The following UQCRB variants were observed in gnomAD, a reference collection of about 807,000 sequenced individuals.
The protein encoded by UQCRB is cytochrome b-c1 complex subunit 7.
Under a neutral mutation model 19.8 loss-of-function variants are expected in UQCRB, and 12 were observed. The observed-to-expected ratio is 0.61, with a 90% CI of 0.39 to 0.98. The LOEUF is 0.98. Among genes scored for constraint, UQCRB ranks in the 50% least tolerant of loss-of-function variants. UQCRB has a pLI of 0.00. For missense variants in UQCRB, 142 were observed against 131.8 expected, an observed-to-expected ratio of 1.08 and a Z score of -0.38; for synonymous variants, 39 against 42.9, an observed-to-expected ratio of 0.91 and a Z score of 0.35.
At position 96,231,885 on chromosome 8, in the gene UQCRB, T is replaced by C. The variant is rs762638352; in HGVS notation, c.147A>G (p.Arg49=). Residue 49 remains arginine, a synonymous_variant, in exon 3 of 4, where the codon AGA becomes AGG. Transcript: ENST00000287022. ...YEDEDVKEAI[R]RLPENLYNDR... is the part of the protein sequence containing the mutation. The stretch of plus-strand genomic sequence containing the variant: ...CATTATAAAGGTTCTCAGGAAGTCT[T>C]CTTATGGCTTCTTTTACATCTTCAT... 1 of 1,614,046 alleles carries C rather than the reference T, an allele frequency of 6.2e-7. No homozygotes were observed. Among genetic ancestry groups the C allele is most frequent in the East Asian group, 2.2e-5 (1 of 44,866 alleles).
In UQCRB at chr8:96,223,732, G is replaced by A. The variant is rs1262768590; in HGVS notation, c.*7323C>T. ...GGTTAGAGGTAGAATTTTGCAGAAT[G>A]TGTTTGGGGAAGAGGGAGTTAAAAC... On this transcript the variant is annotated 3_prime_UTR_variant, in exon 4 of 4. Coordinates refer to ENST00000287022, the MANE Select transcript of UQCRB (RefSeq NM_006294.5). 6.6e-6 allele frequency among the ~76,000 whole-genome samples: 1 copy of A among 152,222 alleles called. No individual in the cohort carries two copies. Among genetic ancestry groups the A allele is most frequent in the East Asian group, 1.9e-4 (1 of 5,196 alleles).
chr8:96,234,350 T>C (rs1435209946), intron 1 of UQCRB: 1 of 421,746 alleles, frequency 2.4e-6, no homozygotes, highest in Non-Finnish European at 4.4e-6. Flanking sequence ...CACCAAACAC[T>C]TTCCTATTTG....
At position 96,223,846 on chromosome 8, in the gene UQCRB, A is replaced by C. The variant is rs1172749015; in HGVS notation, c.*7209T>G. ...CTTTTTAGCACTGGCATTTACCTGC[A>C]TTAAATTGTGTAGAAGAGTAAGTCT... On this transcript the variant is annotated 3_prime_UTR_variant, in exon 4 of 4. Transcript: ENST00000287022. Among the ~76,000 whole-genome samples, 1 of 152,178 alleles carries C rather than the reference A, an allele frequency of 6.6e-6. No homozygotes were observed. The highest frequency in any genetic ancestry group is 1.5e-5 in the Non-Finnish European group (1 of 68,034).
chr8:96,228,743 T>C lies in UQCRB; in HGVS notation c.*2312A>G, dbSNP rs1409727259. 1 of 453,954 alleles carries C rather than the reference T, an allele frequency of 2.2e-6. No homozygotes were observed. The highest frequency in any genetic ancestry group is 2.0e-5 in the African/African-American group (1 of 49,988). 28.1% of individuals were successfully genotyped at this position (453,954 alleles called of 1,614,324 possible). The stretch of plus-strand genomic sequence containing the variant: ...GAAGCACGGAGAGGTTAAATTGTAT[T>C]CCTAAAGCACTACACAGTGAGCAAA... On this transcript the variant is annotated 3_prime_UTR_variant, in exon 4 of 4. Transcript: ENST00000287022.
In UQCRB at chr8:96,233,215, C is replaced by T. The variant is rs1415774310; in HGVS notation, c.32G>A (p.Gly11Asp). The T allele has an allele frequency of 6.2e-6, 10 of 1,613,520 alleles. No homozygotes were observed. Among genetic ancestry groups the T allele is most frequent in the African/African-American group, 1.3e-5 (1 of 74,872 alleles). Residue 11 changes from glycine to aspartate, a missense_variant, in exon 2 of 4, where the codon GGC (glycine) becomes GAC (aspartate). This residue lies in a region of UQCRB where 132 missense variants were observed against 107.5 expected (regional missense o/e 1.23). Transcript: ENST00000287022. ...TTTTCGAATACCATCCAGCCACTTG[C>T]CTGATGCTGAAACTGATAATTGTCA... MAGKQAVSAS[G>D]KWLDGIRKWY...
rs67926232 is a variant in UQCRB at position 96,232,833 on chromosome 8, CAAATAAAT to C, written c.91+315_91+322del. On this transcript the variant is annotated intron_variant, in intron 2 of 3. Transcript: ENST00000287022. ...CTGGTGACAGAGCAAGACTCTGTCT[CAAATAAAT>C]AAATAAATAAATAAATAAAATTTTA... 1.9e-4 allele frequency: 41 copies of C among 214,482 alleles called. 1 individual carries two copies. The highest frequency in any genetic ancestry group is 2.8e-4 in the East Asian group (2 of 7,036). 13.3% of individuals were successfully genotyped at this position (214,482 alleles called of 1,614,324 possible).
At position 96,227,548 on chromosome 8, in the gene UQCRB, C is replaced by A; in HGVS notation, c.*3507G>T. 2.2e-6 allele frequency: 1 copy of A among 454,148 alleles called. No homozygotes were observed. The highest frequency in any genetic ancestry group is 1.6e-5 in the South Asian group (1 of 64,474). 28.1% of individuals were successfully genotyped at this position (454,148 alleles called of 1,614,324 possible). Reference sequence around the variant, plus strand: ...CCTAAAATCCATGCTTCCTCCCATACACCATAAACCCATCTGCTCTTCATC... The same window carrying A: ...CCTAAAATCCATGCTTCCTCCCATAAACCATAAACCCATCTGCTCTTCATC... On this transcript the variant is annotated 3_prime_UTR_variant, in exon 4 of 4. Coordinates refer to ENST00000287022, the MANE Select transcript of UQCRB (RefSeq NM_006294.5).
chr8:96,231,404 A>G, intron 3 of UQCRB: 1 of 1,537,484 alleles, frequency 6.5e-7, no homozygotes, highest in South Asian at 1.2e-5. Context: ...ATGCAGTTCA[A>G]GGGGTGAGAG....
intron 3 of UQCRB, 39 bp from the exon 4 acceptor site, chr8:96,231,171 A>G: frequency 6.2e-7 from 1 of 1,614,152 alleles, no homozygotes; most frequent in Non-Finnish European, 8.5e-7. Context: ...ACCATCACGT[A>G]CTGATATATC....
At position 96,229,206 on chromosome 8, in the gene UQCRB, A is replaced by C. The variant is rs1266872375; in HGVS notation, c.*1849T>G. The stretch of plus-strand genomic sequence containing the variant: ...TTTGGCTTTAGGAAGAACTCTTACA[A>C]AATCAGAGGTTGCCTTATGTAATAC... On this transcript the variant is annotated 3_prime_UTR_variant, in exon 4 of 4. Transcript: ENST00000287022. 1 of 454,152 alleles carries C rather than the reference A, an allele frequency of 2.2e-6. No homozygotes were observed. The allele number at this position is 454,152 out of a possible 1,614,324, so 28.1% of individuals were successfully genotyped here. A position where few individuals can be genotyped will look rare whatever the true frequency, so the allele number is the denominator to read the frequency against.
Position 96,227,106 on chromosome 8 carries a change from T to A in UQCRB, c.*3949A>T, listed in dbSNP as rs932781010. 2.2e-6 allele frequency: 1 copy of A among 453,076 alleles called. No individual in the cohort carries two copies. The highest frequency in any genetic ancestry group is 2.4e-5 in the Admixed American group (1 of 42,464). 28.1% of individuals were successfully genotyped at this position (453,076 alleles called of 1,614,324 possible). A position where few individuals can be genotyped will look rare whatever the true frequency, so the allele number is the denominator to read the frequency against. On this transcript the variant is annotated 3_prime_UTR_variant, in exon 4 of 4. Coordinates refer to ENST00000287022, the MANE Select transcript of UQCRB (RefSeq NM_006294.5). ...TAACATCTATAGACTTTATTAGGTG[T>A]TCCTTATACAGTCATCTGGTATGTT...
intron 1 of UQCRB, chr8:96,233,468 G>A (rs750549285): frequency 2.1e-6 from 1 of 472,504 alleles, no homozygotes; most frequent in Non-Finnish European, 3.8e-6. Context: ...AGCAAAAGTG[G>A]TTGCAGGAAA....
intron 3 of UQCRB, chr8:96,231,536 AT>A: frequency 1.3e-6 from 2 of 1,489,640 alleles, no homozygotes; most frequent in South Asian, 2.4e-5. Flanking sequence ...ACAGACCTGG[AT>A]TTTAGTCCTG....
rs1316821494 is a variant in UQCRB, at chr8:96,224,623, A to C, written c.*6432T>G. Among the ~76,000 whole-genome samples, 1 of 152,028 alleles carries C rather than the reference A, an allele frequency of 6.6e-6. No homozygotes were observed. Among genetic ancestry groups the C allele is most frequent in the African/African-American group, 2.4e-5 (1 of 41,392 alleles). On this transcript the variant is annotated 3_prime_UTR_variant, in exon 4 of 4. Coordinates refer to ENST00000287022, the MANE Select transcript of UQCRB (RefSeq NM_006294.5). ...ACCCGTGTTTGTGGAGCCCCTCCGG[A>C]CCTCTCTCTTTTACCCTTCCTCACA...
chr8:96,225,732 T>C lies in UQCRB; in HGVS notation c.*5323A>G, dbSNP rs1335261285. 6.6e-6 allele frequency among the ~76,000 whole-genome samples: 1 copy of C among 152,092 alleles called. No homozygotes were observed. The highest frequency in any genetic ancestry group is 1.5e-5 in the Non-Finnish European group (1 of 68,000). The stretch of plus-strand genomic sequence containing the variant: ...GAATCAGCCACATTATCAGAGGCCC[T>C]GATTCCCATCCAGGTTTAGTTAGTT... On this transcript the variant is annotated 3_prime_UTR_variant, in exon 4 of 4. Coordinates refer to ENST00000287022, the MANE Select transcript of UQCRB (RefSeq NM_006294.5).
At chr8:96,234,378 G>A (rs1809749387) in intron 1 of UQCRB, 1 of 578,258 alleles carries the variant, frequency 1.7e-6, no homozygotes, top group African/African-American at 1.9e-5. Context: ...AACATTAGCT[G>A]ATTTATTTAC....
Position 96,228,581 on chromosome 8 carries a change from C to A in UQCRB, c.*2474G>T. On this transcript the variant is annotated 3_prime_UTR_variant, in exon 4 of 4. Transcript: ENST00000287022. The stretch of plus-strand genomic sequence containing the variant: ...TCAGCGTTTTCCCAAGTTATTCTTT[C>A]TCGCTTCTCAGCACATAATTTACAT... 2.2e-6 allele frequency: 1 copy of A among 454,140 alleles called. No individual in the cohort carries two copies. The highest frequency in any genetic ancestry group is 4.4e-6 in the Non-Finnish European group (1 of 226,794). 28.1% of individuals were successfully genotyped at this position (454,140 alleles called of 1,614,324 possible). A position where few individuals can be genotyped will look rare whatever the true frequency, so the allele number is the denominator to read the frequency against.
rs1189351855 is a variant in UQCRB, at chr8:96,230,278, T to C, written c.*777A>G. Reference sequence around the variant, plus strand: ...TTTTAGTAGAGACAGGGTTTCACCATGTTGGCCAGGCTGGTCTCAAATTCC... The same window carrying C: ...TTTTAGTAGAGACAGGGTTTCACCACGTTGGCCAGGCTGGTCTCAAATTCC... On this transcript the variant is annotated 3_prime_UTR_variant, in exon 4 of 4. Coordinates refer to ENST00000287022, the MANE Select transcript of UQCRB (RefSeq NM_006294.5). 2 of 421,690 alleles carry C rather than the reference T, an allele frequency of 4.7e-6. No homozygotes were observed. The highest frequency in any genetic ancestry group is 1.7e-5 in the South Asian group (1 of 58,232). The allele number at this position is 421,690 out of a possible 1,614,324, so 26.1% of individuals were successfully genotyped here. A position where few individuals can be genotyped will look rare whatever the true frequency, so the allele number is the denominator to read the frequency against.
intron 1 of UQCRB, chr8:96,234,174 A>T (rs935909876): frequency 1.6e-5 from 3 of 191,412 alleles, no homozygotes; most frequent in African/African-American, 4.8e-5. Context: ...AGTGCACTAC[A>T]GATTACGTGG....
Sources: allele counts gnomAD v4.1 joint callset (sites outside exome capture counted in the v4.1 genomes callset), GRCh38; gene constraint gnomAD v4.1.1; regional missense constraint gnomAD v4.1.1; transcripts MANE v1.5; gene names NCBI Gene and HGNC (gene_info 2026-07-23, HGNC 2026-07-21).